Variants in PIK3C2B observed in about 807,000 individuals in gnomAD.
PIK3C2B encodes phosphatidylinositol 4-phosphate 3-kinase C2 domain-containing subunit beta.
A neutral mutation model predicts 184.3 loss-of-function variants in PIK3C2B; 83 were observed. The ratio of observed to expected loss-of-function variants is 0.45; its 90% CI spans 0.38 to 0.54. The LOEUF is 0.54. Ranked by LOEUF, PIK3C2B falls within the 20% of genes least tolerant of loss-of-function variation. The probability of loss-of-function intolerance (pLI) is 0.00; values close to 1 mark genes in which losing one functional copy is unlikely to be tolerated. For missense variants in PIK3C2B, 1,736 were observed against 2,113.5 expected, an observed-to-expected ratio of 0.82 and a Z score of 3.50; for synonymous variants, 779 against 837.6, an observed-to-expected ratio of 0.93 and a Z score of 1.21.
intron 28 of PIK3C2B, among the ~76,000 whole-genome samples, chr1:204,430,350 CT>C (rs563387033): frequency 1.5e-3 from 213 of 144,924 alleles, no homozygotes; most frequent in Admixed American, 1.9e-3. Context: ...TGTAAAAATC[CT>C]TTTTTTTTTT....
At chr1:204,427,617 G>C (rs760974600) in intron 31 of PIK3C2B, 31 bp downstream of exon 31, 1 of 1,479,618 alleles carries the variant, frequency 6.8e-7, no homozygotes, top group East Asian at 2.3e-5. Context: ...CATTAAAAAA[G>C]AAAAAAAATC....
rs1253423574 is a variant in PIK3C2B at position 204,460,398 on chromosome 1, A to G, written c.1428T>C (p.Asn476=). 6.2e-7 allele frequency: 1 copy of G among 1,613,236 alleles called. No homozygotes were observed. The highest frequency in any genetic ancestry group is 1.1e-5 in the South Asian group (1 of 91,052). ...VVRSDLARTV[N]DDQSPSTLNY... ...TCAAGGTGGAGGGGCTCTGGTCATCATTCACCTGTATAAGAAGTGACCTAT... is the reference window on the plus strand; with the variant it reads ...TCAAGGTGGAGGGGCTCTGGTCATCGTTCACCTGTATAAGAAGTGACCTAT... Residue 476 remains asparagine, a synonymous_variant, in exon 7 of 33, where the codon AAT becomes AAC. Transcript: ENST00000684373.
intron 3 of PIK3C2B, 61 bp downstream of exon 3, chr1:204,465,158 A>G: frequency 1.3e-6 from 1 of 742,478 alleles, no homozygotes; most frequent in Non-Finnish European, 2.4e-6. Flanking sequence ...TTGGAAATGG[A>G]TGGCCCCCCT....
chr1:204,462,018 C>T (rs1655374806), intron 5 of PIK3C2B, among the ~76,000 whole-genome samples: 1 of 152,118 alleles, frequency 6.6e-6, no homozygotes, highest in Non-Finnish European at 1.5e-5. Context: ...GGGGGCTGGG[C>T]CAGGAGACAG....
Position 204,431,815 on chromosome 1 carries a change from G to T in PIK3C2B, c.4156-22C>A, listed in dbSNP as rs1216944329. 3 of 1,613,956 alleles carry T rather than the reference G, an allele frequency of 1.9e-6. No individual in the cohort carries two copies. In the African/African-American group the frequency reaches 4.0e-5, roughly 22 times the overall value. Reference sequence around the variant, plus strand: ...ATATCTGCAAAGGTCCAGATCTTAGGGTGTACCTGCCGAGCCCTCTGCACC... The same window carrying T: ...ATATCTGCAAAGGTCCAGATCTTAGTGTGTACCTGCCGAGCCCTCTGCACC... On this transcript the variant is annotated intron_variant, in intron 27 of 32. Coordinates refer to ENST00000684373, the MANE Select transcript of PIK3C2B (RefSeq NM_001377334.1).
In PIK3C2B at chr1:204,482,109, CGGGGGGGGG is replaced by C. The variant is rs55875447; in HGVS notation, c.-84-12232_-84-12224del. ...CAGGGAGGAATGAGCCATGAAAAGACGGGGGGGGGGGGGGGGGTGCTCTCTAATGTTAGG... is the reference window on the plus strand; with the variant it reads ...CAGGGAGGAATGAGCCATGAAAAGACGGGGGGGGTGCTCTCTAATGTTAGG... On this transcript the variant is annotated intron_variant, in intron 1 of 32. Coordinates refer to ENST00000684373, the MANE Select transcript of PIK3C2B (RefSeq NM_001377334.1). 3.5e-4 allele frequency among the ~76,000 whole-genome samples: 47 copies of C among 132,590 alleles called. 4 individuals carry two copies. Among genetic ancestry groups the C allele is most frequent in the African/African-American group, 1.3e-3 (35 of 27,036 alleles). 87.0% of individuals were successfully genotyped at this position (132,590 alleles called of 152,430 possible).
intron 1 of PIK3C2B, among the ~76,000 whole-genome samples, chr1:204,484,556 A>C (rs1403268399): frequency 6.6e-6 from 1 of 152,136 alleles, no homozygotes; most frequent in Non-Finnish European, 1.5e-5. Context: ...AACATAGTGA[A>C]AGCCCGTCCC....
In PIK3C2B at chr1:204,469,058, A is replaced by G; in HGVS notation, c.745T>C (p.Leu249=). 3 of 1,614,190 alleles carry G rather than the reference A, an allele frequency of 1.9e-6. No individual in the cohort carries two copies. Residue 249 remains leucine, a synonymous_variant, in exon 2 of 33, where the codon TTG becomes CTG. Coordinates refer to ENST00000684373, the MANE Select transcript of PIK3C2B (RefSeq NM_001377334.1). ...TTCCAGCCCCTGGTGGCATCCCGCAACATCTCCGCATCATAGGTCGATTTC... is the reference window on the plus strand; with the variant it reads ...TTCCAGCCCCTGGTGGCATCCCGCAGCATCTCCGCATCATAGGTCGATTTC... ...NLKSTYDAEM[L]RDATRGWKEG... is the part of the protein sequence containing the mutation.
At chr1:204,438,323 C>G (rs1454370617) in intron 23 of PIK3C2B, among the ~76,000 whole-genome samples, 1 of 152,144 alleles carries the variant, frequency 6.6e-6, no homozygotes, top group Non-Finnish European at 1.5e-5. Context: ...GCCACGGACC[C>G]TAGCAGGCTA....
rs757276719 is a variant in PIK3C2B at position 204,433,781 on chromosome 1, G to A, written c.3843+12C>T. On this transcript the variant is annotated intron_variant, in intron 25 of 32. Transcript: ENST00000684373. The surrounding 1 kb of genome is among the most constrained non-coding windows in gnomAD (Gnocchi z 5.0). The stretch of plus-strand genomic sequence containing the variant: ...AAGAAGAAGGTATTCGGAAAGGGAT[G>A]GAGCTCCTCACCAGGCCCAGAAGGT... 6 of 1,611,934 alleles carry A rather than the reference G, an allele frequency of 3.7e-6. No homozygotes were observed. The East Asian group carries it at 1.3e-4, about 36-fold the overall frequency.
intron 3 of PIK3C2B, 31 bp downstream of exon 3, chr1:204,465,188 C>G (rs1655653234): frequency 9.3e-7 from 1 of 1,075,850 alleles, no homozygotes; most frequent in Non-Finnish European, 1.4e-6. Flanking sequence ...CCATAGCCCT[C>G]CCAAATCCCA....
intron 23 of PIK3C2B, among the ~76,000 whole-genome samples, chr1:204,436,694 T>C (rs760128208): frequency 3.2e-4 from 48 of 152,236 alleles, no homozygotes; most frequent in Non-Finnish European, 6.5e-4. Flanking sequence ...CATTCATCTG[T>C]ACATTTATTA....
intron 31 of PIK3C2B, 96 bp from the exon 32 acceptor site, chr1:204,425,837 T>G: frequency 1.7e-6 from 2 of 1,170,854 alleles, no homozygotes; most frequent in South Asian, 2.7e-5. Flanking sequence ...GACTCTCATC[T>G]GCCATCTGGC....
At chr1:204,456,978 G>A (rs1654923038) in intron 10 of PIK3C2B, 59 bp downstream of exon 10, 3 of 1,449,388 alleles carry the variant, frequency 2.1e-6, no homozygotes, top group Non-Finnish European at 2.8e-6. Flanking sequence ...AAGGAATCGG[G>A]GCAGAGACTG....
chr1:204,456,478 A>G (rs1440503120), intron 10 of PIK3C2B, among the ~76,000 whole-genome samples: 4 of 152,188 alleles, frequency 2.6e-5, no homozygotes, highest in Non-Finnish European at 5.9e-5. Flanking sequence ...GGGAATCACC[A>G]TAAGAATCCC....
chr1:204,483,314 A>C (rs1406427260), intron 1 of PIK3C2B, among the ~76,000 whole-genome samples: 1 of 151,576 alleles, frequency 6.6e-6, no homozygotes, highest in African/African-American at 2.4e-5. Flanking sequence ...GCTACTTGGG[A>C]GGCTGAAATA....
At chr1:204,465,824 G>A (rs764860719) in intron 2 of PIK3C2B, among the ~76,000 whole-genome samples, 8 of 152,248 alleles carry the variant, frequency 5.3e-5, no homozygotes, top group Non-Finnish European at 8.8e-5. Context: ...GAGAGACCCA[G>A]AACCCTTAGA....
chr1:204,467,517 G>T (rs1270333896), intron 2 of PIK3C2B, among the ~76,000 whole-genome samples: 1 of 152,126 alleles, frequency 6.6e-6, no homozygotes, highest in East Asian at 1.9e-4. Flanking sequence ...AGGACAGAAT[G>T]AAGTAGAATG....
chr1:204,429,087 G>T (rs1026291194), intron 29 of PIK3C2B, among the ~76,000 whole-genome samples: 1 of 152,002 alleles, frequency 6.6e-6, no homozygotes, highest in African/African-American at 2.4e-5. Flanking sequence ...AATTAGCCGG[G>T]TGTGGTGGCC....
Sources: allele counts gnomAD v4.1 joint callset (sites outside exome capture counted in the v4.1 genomes callset), GRCh38; gene constraint gnomAD v4.1.1; non-coding constraint Gnocchi (gnomAD v3.1); transcripts MANE v1.5; gene names NCBI Gene and HGNC (gene_info 2026-07-23, HGNC 2026-07-21).